BIN2: variants seen among roughly 807,000 people sequenced by gnomAD.
BIN2 encodes bridging integrator 2, also known as breast cancer associated protein BRAP1.
Under a neutral mutation model 67.9 loss-of-function variants are expected in BIN2, and 43 were observed. The observed-to-expected ratio is 0.63, with a 90% CI of 0.50 to 0.82. The LOEUF (loss-of-function observed/expected upper bound fraction) is 0.82. Ranked by LOEUF, BIN2 falls within the 40% of genes least tolerant of loss-of-function variation. The pLI, the probability that BIN2 is intolerant of heterozygous loss-of-function variation, is 0.00. For missense variants in BIN2, 581 were observed against 671.6 expected (o/e 0.87, Z 1.49); for synonymous variants, 244 against 246.8 (o/e 0.99, Z 0.11).
At chr12:51,281,808 G>A (rs1592243674) in intron 12 of BIN2, among the ~76,000 whole-genome samples, 2 of 152,134 alleles carry the variant, frequency 1.3e-5, no homozygotes, top group South Asian at 4.2e-4. Flanking sequence ...AGGCTGGAGT[G>A]TAGTGGCACA....
At chr12:51,290,701 A>C (rs1945357284) in intron 10 of BIN2, among the ~76,000 whole-genome samples, 1 of 151,958 alleles carries the variant, frequency 6.6e-6, no homozygotes, top group Non-Finnish European at 1.5e-5. Context: ...TGGGAGGCTG[A>C]GGCGGGTAGA....
chr12:51,300,662 T>C (rs1281889440), intron 5 of BIN2, among the ~76,000 whole-genome samples: 1 of 152,212 alleles, frequency 6.6e-6, no homozygotes, highest in African/African-American at 2.4e-5. Context: ...ACTATGTCTT[T>C]GAACCGTTTC....
At chr12:51,314,227 T>C (rs1408276526) in intron 1 of BIN2, among the ~76,000 whole-genome samples, 1 of 151,772 alleles carries the variant, frequency 6.6e-6, no homozygotes, top group East Asian at 2.0e-4. Context: ...TTTGTATTTT[T>C]AGTAGAGACG....
chr12:51,290,141 ACACAGTCT>A (rs1592252379), intron 10 of BIN2, among the ~76,000 whole-genome samples: 1 of 150,152 alleles, frequency 6.7e-6, no homozygotes, highest in East Asian at 2.0e-4. Flanking sequence ...TTTCTTTGAG[ACACAGTCT>A]CACTCTGTTG....
At chr12:51,309,815 GCTT>G (rs1448445035) in intron 2 of BIN2, among the ~76,000 whole-genome samples, 6 of 152,278 alleles carry the variant, frequency 3.9e-5, no homozygotes, top group Non-Finnish European at 7.4e-5. Context: ...TCCTGATGGC[GCTT>G]CTTCTTCTCT....
intron 12 of BIN2, 78 bp downstream of exon 12, chr12:51,284,638 C>T (rs1945192257): frequency 8.7e-7 from 1 of 1,145,914 alleles, no homozygotes; most frequent in African/African-American, 1.5e-5. Flanking sequence ...CCCTTGTAGC[C>T]TGTGGTGAAG....
At chr12:51,292,986 A>AGT (rs1229599676) in intron 9 of BIN2, among the ~76,000 whole-genome samples, 1 of 152,130 alleles carries the variant, frequency 6.6e-6, no homozygotes, top group Non-Finnish European at 1.5e-5. Flanking sequence ...TTCAGGCATG[A>AGT]GTTACAATGC....
intron 12 of BIN2, 48 bp downstream of exon 12, chr12:51,284,668 C>T (rs1207019880): frequency 6.9e-7 from 1 of 1,450,036 alleles, no homozygotes; most frequent in Non-Finnish European, 9.7e-7. Context: ...TTTTCCCAAA[C>T]CCCTGTCAAT....
At chr12:51,318,245 T>C (rs1185460251) in intron 1 of BIN2, among the ~76,000 whole-genome samples, 1 of 150,706 alleles carries the variant, frequency 6.6e-6, no homozygotes, top group Non-Finnish European at 1.5e-5. Flanking sequence ...GGAGAGACTC[T>C]GATTCATATC....
chr12:51,315,338 GT>G (rs1182414025), intron 1 of BIN2, among the ~76,000 whole-genome samples: 2 of 151,964 alleles, frequency 1.3e-5, no homozygotes, highest in African/African-American at 4.8e-5. Flanking sequence ...GCCTGACTAA[GT>G]TTTTTTGTAT....
At chr12:51,311,773 A>T (rs74518580) in intron 2 of BIN2, among the ~76,000 whole-genome samples, 19,707 of 149,588 alleles carry the variant, frequency 0.13, 1,414 homozygotes, top group East Asian at 0.24. Context: ...TTGATAATGA[A>T]TTTTTTTTTT....
chr12:51,296,749 T>C (rs763373204), intron 8 of BIN2, among the ~76,000 whole-genome samples: 4 of 152,134 alleles, frequency 2.6e-5, no homozygotes, highest in Non-Finnish European at 5.9e-5. Context: ...CCTTAAACAC[T>C]GCCCTCTCCA....
At chr12:51,313,720 G>C (rs1946054791) in intron 2 of BIN2, 103 bp downstream of exon 2, 11 of 1,046,798 alleles carry the variant, frequency 1.1e-5, no homozygotes, top group Non-Finnish European at 1.6e-5. Flanking sequence ...AGGGTGGCTT[G>C]GTGGAGATGT....
chr12:51,286,728 C>A (rs1945244365), intron 11 of BIN2, among the ~76,000 whole-genome samples: 1 of 152,198 alleles, frequency 6.6e-6, no homozygotes, highest in Non-Finnish European at 1.5e-5. Context: ...CGCATCTATC[C>A]TGCACTTATT....
intron 11 of BIN2, among the ~76,000 whole-genome samples, chr12:51,285,403 A>G (rs181444343): frequency 3.4e-4 from 52 of 152,036 alleles, no homozygotes; most frequent in African/African-American, 1.2e-3. Flanking sequence ...CTATGATTGC[A>G]CCTGTGAATA....
chr12:51,304,536 G>A (rs557039599), intron 2 of BIN2, among the ~76,000 whole-genome samples: 1 of 152,336 alleles, frequency 6.6e-6, no homozygotes, highest in Non-Finnish European at 1.5e-5. Context: ...GGGATGGACT[G>A]AGAGGTGCAG....
intron 8 of BIN2, among the ~76,000 whole-genome samples, chr12:51,296,655 G>A (rs564108752): frequency 1.2e-3 from 182 of 152,192 alleles, no homozygotes; most frequent in Non-Finnish European, 1.6e-3. Flanking sequence ...GACTAGAAAA[G>A]ACTTCATAAA....
intron 1 of BIN2, among the ~76,000 whole-genome samples, chr12:51,315,896 T>G (rs1341753597): frequency 6.6e-6 from 1 of 152,190 alleles, no homozygotes; most frequent in Non-Finnish European, 1.5e-5. Flanking sequence ...GGCAATTACA[T>G]GTAGTAAGAA....
At chr12:51,321,828 CA>C (rs1946291112) in intron 1 of BIN2, among the ~76,000 whole-genome samples, 1 of 152,112 alleles carries the variant, frequency 6.6e-6, no homozygotes, top group Non-Finnish European at 1.5e-5. Context: ...GCAGAAAAAG[CA>C]AAAAGTGTTG....
Sources: allele counts gnomAD v4.1 joint callset (sites outside exome capture counted in the v4.1 genomes callset), GRCh38; gene constraint gnomAD v4.1.1; transcripts MANE v1.5; gene names NCBI Gene and HGNC (gene_info 2026-07-23, HGNC 2026-07-21).